Variants in OVCH1 observed in about 807,000 individuals in gnomAD.
The protein encoded by OVCH1 is ovochymase 1.
A neutral mutation model predicts 138.4 loss-of-function variants in OVCH1; 139 were observed. The ratio of observed to expected loss-of-function variants is 1.00; its 90% CI spans 0.87 to 1.16. OVCH1 has a LOEUF of 1.16. Among genes scored for constraint, OVCH1 ranks in the 50% most tolerant of loss-of-function variants. OVCH1 has a pLI of 0.00. For missense variants in OVCH1, 1,367 were observed against 1,357.9 expected (o/e 1.01, Z -0.11); for synonymous variants, 453 against 467.8 (o/e 0.97, Z 0.41).
chr12:29,422,020 T>C (rs1016677060), intron 3 of OVCH1, among the ~76,000 whole-genome samples: 1 of 152,096 alleles, frequency 6.6e-6, no homozygotes, highest in East Asian at 1.9e-4. Context: ...TCATGCAAAC[T>C]CCTCAAAAGA....
chr12:29,478,843 A>G (rs1942830368), exon 9 of OVCH1: 1 of 1,580,896 alleles, frequency 6.3e-7, no homozygotes, highest in Non-Finnish European at 8.6e-7. Flanking sequence ...ACTAAAAAGC[A>G]CTCCACTGCT....
intron 16 of OVCH1, among the ~76,000 whole-genome samples, chr12:29,469,926 T>G (rs932576619): frequency 6.6e-6 from 1 of 152,086 alleles, no homozygotes; most frequent in African/African-American, 2.4e-5. Context: ...CACATTAGAA[T>G]CATTTGGGAA....
At chr12:29,418,777 G>A (rs573721005) in intron 3 of OVCH1, among the ~76,000 whole-genome samples, 1 of 152,314 alleles carries the variant, frequency 6.6e-6, no homozygotes, top group South Asian at 2.1e-4. Context: ...TGTCATAAGG[G>A]AGTGAGGAAA....
intron 3 of OVCH1, among the ~76,000 whole-genome samples, chr12:29,417,789 G>C (rs12578718): frequency 0.016 from 2,357 of 150,186 alleles, 18 homozygotes; most frequent in Non-Finnish European, 0.02. Context: ...GTGTGTGTGT[G>C]TGTGTCTGTG....
chr12:29,496,689 ATGTG>A lies in OVCH1; in HGVS notation c.65-19_65-16del. 2 of 1,568,850 alleles carry A rather than the reference ATGTG, an allele frequency of 1.3e-6. No homozygotes were observed. Among genetic ancestry groups the A allele is most frequent in the Non-Finnish European group, 1.7e-6 (2 of 1,143,680 alleles). On this transcript the variant is annotated splice_polypyrimidine_tract_variant and intron_variant, in intron 1 of 27. Coordinates refer to ENST00000318184, the Ensembl canonical transcript of OVCH1. ...ACACTTCAGTCCTGTGTAGAAGAGC[ATGTG>A]TGTGTGCACACACAGAGCCTTATGT...
rs1446335318 is a variant in OVCH1 at position 29,450,939 on chromosome 12, TCTCA to T, written c.2755+402_2755+405del. 3.4e-5 allele frequency among the ~76,000 whole-genome samples: 5 copies of T among 147,570 alleles called. No individual in the cohort carries two copies. The South Asian group carries it at 8.6e-4, about 26-fold the overall frequency. On this transcript the variant is annotated intron_variant, in intron 22 of 27. Transcript: ENST00000318184. ...GAACAGAAAACCAAACACCGCATGTTCTCACTCATAAGTGGGAGTTGAACAACGA... is the reference window on the plus strand; with the variant it reads ...GAACAGAAAACCAAACACCGCATGTTCTCATAAGTGGGAGTTGAACAACGA...
chr12:29,437,410 T>G (rs530133904), intron 26 of OVCH1, among the ~76,000 whole-genome samples: 7 of 152,350 alleles, frequency 4.6e-5, no homozygotes, highest in African/African-American at 1.7e-4. Flanking sequence ...AGAAAATCCC[T>G]CAGTGTTTTA....
At chr12:29,484,256 G>A (rs1943024286) in intron 8 of OVCH1, among the ~76,000 whole-genome samples, 1 of 152,166 alleles carries the variant, frequency 6.6e-6, no homozygotes, top group Admixed American at 6.5e-5. Flanking sequence ...TGTAGGTGAT[G>A]CTAAGCAAAG....
chr12:29,464,560 G>T (rs747513557), exon 18 of OVCH1: 1 of 1,613,596 alleles, frequency 6.2e-7, no homozygotes, highest in Non-Finnish European at 8.5e-7. Flanking sequence ...GGAAAATAGA[G>T]GCTCTGCGCT....
intron 13 of OVCH1, among the ~76,000 whole-genome samples, chr12:29,475,895 A>G (rs913155846): frequency 6.6e-6 from 1 of 152,218 alleles, no homozygotes; most frequent in Non-Finnish European, 1.5e-5. Flanking sequence ...CAGCAACAGA[A>G]GGAATTAATA....
At chr12:29,422,928 AC>A (rs1464633003), downstream of OVCH1, among the ~76,000 whole-genome samples, 1 of 152,188 alleles carries the variant, frequency 6.6e-6, no homozygotes, top group African/African-American at 2.4e-5. Flanking sequence ...AAACGCACAT[AC>A]ACAAATTAAC....
chr12:29,448,620 G>A (rs1941684255), intron 22 of OVCH1, among the ~76,000 whole-genome samples: 2 of 152,104 alleles, frequency 1.3e-5, no homozygotes, highest in African/African-American at 4.8e-5. Context: ...AAGCCCTGGA[G>A]CAGTTGTAAT....
At chr12:29,433,607 GACT>G in intron 27 of OVCH1, 1 of 787,772 alleles carries the variant, frequency 1.3e-6, no homozygotes, top group Non-Finnish European at 1.8e-6. Context: ...CTATGGCAGG[GACT>G]GTCTTGTTCA....
At chr12:29,465,009 T>C in intron 17 of OVCH1, 138 bp downstream of exon 17, 1 of 810,272 alleles carries the variant, frequency 1.2e-6, no homozygotes, top group Non-Finnish European at 1.9e-6. Flanking sequence ...ATTGCATTTT[T>C]AAATGTGGGT....
exon 4 of OVCH1, chr12:29,495,379 A>G: frequency 6.2e-7 from 1 of 1,613,360 alleles, no homozygotes; most frequent in South Asian, 1.1e-5. Context: ...TTTTTGAGAC[A>G]GGAATATTCT....
chr12:29,456,968 G>T (rs1426215175), intron 19 of OVCH1, among the ~76,000 whole-genome samples: 1 of 152,114 alleles, frequency 6.6e-6, no homozygotes, highest in Non-Finnish European at 1.5e-5. Context: ...TCCTTTATTT[G>T]TCTTCTTGTA....
In OVCH1 at chr12:29,497,681, GC is replaced by G; in HGVS notation, c.5del (p.Gly2AlafsTer20). Reference sequence around the variant, plus strand: ...GCAACAAACCAGCACTGGCCAGCAGGCCCATAGCCTCCACGCACCGGCCTCG... The same window carrying G: ...GCAACAAACCAGCACTGGCCAGCAGGCCATAGCCTCCACGCACCGGCCTCG... On this transcript the variant is annotated frameshift_variant, in exon 1 of 28. Transcript: ENST00000318184. LOFTEE classifies it high-confidence loss of function. The G allele has an allele frequency of 6.2e-7, 1 of 1,613,922 alleles. No individual in the cohort carries two copies. Among genetic ancestry groups the G allele is most frequent in the Non-Finnish European group, 8.5e-7 (1 of 1,179,868 alleles).
exon 27 of OVCH1, chr12:29,433,811 A>G: frequency 7.1e-7 from 1 of 1,400,074 alleles, no homozygotes; most frequent in Non-Finnish European, 9.6e-7. Flanking sequence ...TTACATTATC[A>G]TACTAAAATT....
intron 3 of OVCH1, among the ~76,000 whole-genome samples, chr12:29,421,070 C>T (rs894896744): frequency 3.3e-5 from 5 of 152,198 alleles, no homozygotes; most frequent in African/African-American, 2.4e-5. Context: ...CTGCCAGGAC[C>T]CACTGTTTTG....
Sources: allele counts gnomAD v4.1 joint callset (sites outside exome capture counted in the v4.1 genomes callset), GRCh38; gene constraint gnomAD v4.1.1; transcripts MANE v1.5; gene names NCBI Gene and HGNC (gene_info 2026-07-23, HGNC 2026-07-21).